Variants in ONECUT1 observed in about 807,000 individuals in gnomAD.
ONECUT1 encodes hepatocyte nuclear factor 6.
Under a neutral mutation model 25.6 loss-of-function variants are expected in ONECUT1, and 12 were observed. The observed-to-expected ratio is 0.47, with a 90% confidence interval of 0.30 to 0.76. The LOEUF (loss-of-function observed/expected upper bound fraction) is 0.76, where lower values mean the gene tolerates loss of function less well. ONECUT1 is among the 30% of genes least tolerant of loss of function. The pLI is 0.07. For missense variants in ONECUT1, 620 were observed against 651.2 expected (o/e 0.95, Z 0.52); for synonymous variants, 285 against 270.2 (o/e 1.05, Z -0.54).
At chr15:52,785,794 G>C (rs1007454579) in intron 1 of ONECUT1, 10 of 152,232 alleles carry the variant, frequency 6.6e-5, no homozygotes, top group Non-Finnish European at 1.5e-4. Flanking sequence ...TTTTTAAAAG[G>C]TAGTTAATTT....
chr15:52,763,359 C>G (rs890456012), intron 1 of ONECUT1, among the ~76,000 whole-genome samples: 2 of 151,674 alleles, frequency 1.3e-5, no homozygotes, highest in Admixed American at 1.3e-4. Context: ...ACTTTGTGTG[C>G]CACGGGAATA....
chr15:52,785,168 C>T (rs1439517773), intron 1 of ONECUT1, among the ~76,000 whole-genome samples: 1 of 152,240 alleles, frequency 6.6e-6, no homozygotes. Flanking sequence ...TGCCTGACTC[C>T]CATGGCCCAG....
Position 52,755,635 on chromosome 15 carries a change from A to G in ONECUT1, c.*1920T>C, listed in dbSNP as rs1415955455. On this transcript the variant is annotated 3_prime_UTR_variant, in exon 2 of 2. Coordinates refer to ENST00000305901, the MANE Select transcript of ONECUT1 (RefSeq NM_004498.4). ...TGCTGAGATTTGATGCTAAGGAGTT[A>G]TGTTTTGTGTCAAGATGGTTCAGTT... Among the ~76,000 whole-genome samples, 4 of 152,288 alleles carry G rather than the reference A, an allele frequency of 2.6e-5. No homozygotes were observed. The South Asian group carries it at 6.2e-4, about 24-fold the overall frequency.
Position 52,789,391 on chromosome 15 carries a change from T to C in ONECUT1, c.494A>G (p.Tyr165Cys), listed in dbSNP as rs1046029183. ...GGCCACGTCCTTGTGGTAGGGGGTATAGAGGTTATTCATGGAGGCCAGCCC... is the reference window on the plus strand; with the variant it reads ...GGCCACGTCCTTGTGGTAGGGGGTACAGAGGTTATTCATGGAGGCCAGCCC... ...ERGLASMNNL[Y>C]TPYHKDVAGM... Residue 165 changes from tyrosine to cysteine, a missense_variant, in exon 1 of 2, where the codon TAT becomes TGT. This residue lies in a region of ONECUT1 where 440 missense variants were observed against 404.9 expected (regional missense o/e 1.09). Coordinates refer to ENST00000305901, the MANE Select transcript of ONECUT1 (RefSeq NM_004498.4). The surrounding 1 kb of genome is among the most constrained non-coding windows in gnomAD (Gnocchi z 4.1). The C allele has an allele frequency of 1.2e-6, 2 of 1,613,146 alleles. No homozygotes were observed. Among genetic ancestry groups the C allele is most frequent in the African/African-American group, 2.7e-5 (2 of 74,832 alleles).
chr15:52,768,874 C>G (rs2083749925), intron 1 of ONECUT1, among the ~76,000 whole-genome samples: 2 of 152,160 alleles, frequency 1.3e-5, no homozygotes, highest in African/African-American at 4.8e-5. Context: ...CTCCCAAAAG[C>G]CCAAGATGAA....
In ONECUT1 at chr15:52,784,074, C is replaced by T. The variant is rs949537672; in HGVS notation, c.1105+4706G>A. On this transcript the variant is annotated intron_variant, in intron 1 of 1. Transcript: ENST00000305901. The surrounding 1 kb of genome is among the most constrained non-coding windows in gnomAD (Gnocchi z 5.0). ...CCACGGACGCTCGCGGGTCGCCCAG[C>T]CCCGACGGCCCGCAGGGGGCGCGCG... 6.6e-6 allele frequency among the ~76,000 whole-genome samples: 1 copy of T among 152,234 alleles called. No homozygotes were observed. The highest frequency in any genetic ancestry group is 1.5e-5 in the Non-Finnish European group (1 of 68,034).
At chr15:52,762,424 A>G (rs2083711297) in intron 1 of ONECUT1, among the ~76,000 whole-genome samples, 4 of 152,246 alleles carry the variant, frequency 2.6e-5, no homozygotes, top group Admixed American at 6.5e-5. Flanking sequence ...GTTTGACCCC[A>G]GAACCCTTTT....
intron 1 of ONECUT1, chr15:52,780,952 A>C (rs1364651039): frequency 8.6e-7 from 1 of 1,157,354 alleles, no homozygotes; most frequent in Non-Finnish European, 1.1e-6. Context: ...GTTTGACAGA[A>C]ATTGCAAGAT....
chr15:52,767,950 T>C (rs2083744441), intron 1 of ONECUT1, among the ~76,000 whole-genome samples: 1 of 152,098 alleles, frequency 6.6e-6, no homozygotes, highest in Non-Finnish European at 1.5e-5. Context: ...GAAAGGTAAA[T>C]ATTGCATGTT....
intron 1 of ONECUT1, among the ~76,000 whole-genome samples, chr15:52,773,328 C>G (rs993863413): frequency 2.6e-5 from 4 of 151,764 alleles, no homozygotes; most frequent in South Asian, 2.1e-4. Context: ...TGGGGGAAGG[C>G]AGGGAAAAAT....
At chr15:52,777,744 A>AAAAAAAAAAC (rs753677708) in intron 1 of ONECUT1, among the ~76,000 whole-genome samples, 8 of 146,856 alleles carry the variant, frequency 5.4e-5, no homozygotes, top group Non-Finnish European at 7.6e-5. Flanking sequence ...ACACAAAAAA[A>AAAAAAAAAAC]CATGTAAAGT....
At chr15:52,781,961 G>T (rs1157823921) in intron 1 of ONECUT1, among the ~76,000 whole-genome samples, 1 of 152,138 alleles carries the variant, frequency 6.6e-6, no homozygotes, top group African/African-American at 2.4e-5. Flanking sequence ...AAATGAGATT[G>T]GTTGTACTTT....
chr15:52,757,500 A>C lies in ONECUT1; in HGVS notation c.*55T>G. ...CTATCTTGAGGTCCTGGTCTTTTAA[A>C]AATTTTTTTTAATTTAAAGCTTTTC... On this transcript the variant is annotated 3_prime_UTR_variant, in exon 2 of 2. Coordinates refer to ENST00000305901, the MANE Select transcript of ONECUT1 (RefSeq NM_004498.4). 6.5e-7 allele frequency: 1 copy of C among 1,541,694 alleles called. No homozygotes were observed. The highest frequency in any genetic ancestry group is 8.7e-7 in the Non-Finnish European group (1 of 1,148,272).
At chr15:52,786,127 G>A (rs1164242353) in intron 1 of ONECUT1, among the ~76,000 whole-genome samples, 2 of 152,250 alleles carry the variant, frequency 1.3e-5, no homozygotes, top group Non-Finnish European at 2.9e-5. Flanking sequence ...TGTCCCGTAG[G>A]AACGGCCAAG....
At chr15:52,776,850 C>A (rs1193522708) in intron 1 of ONECUT1, among the ~76,000 whole-genome samples, 1 of 152,178 alleles carries the variant, frequency 6.6e-6, no homozygotes, top group East Asian at 1.9e-4. Flanking sequence ...GGAAAACAGA[C>A]CTTTTGAGTG....
rs781573383 is a variant in ONECUT1, at chr15:52,789,911, CACA to C, written c.-30_-28del. 2 of 1,506,192 alleles carry C rather than the reference CACA, an allele frequency of 1.3e-6. No individual in the cohort carries two copies. The highest frequency in any genetic ancestry group is 1.3e-5 in the South Asian group (1 of 78,102). 93.3% of individuals were successfully genotyped at this position (1,506,192 alleles called of 1,614,324 possible). A position where few individuals can be genotyped will look rare whatever the true frequency, so the allele number is the denominator to read the frequency against. ...GTGATCCGGGCGAGCAGGCGGCGGA[CACA>C]ACATCGATGTGGCCAGGCAGAGGCG... is the stretch of plus-strand genomic sequence containing the variant. On this transcript the variant is annotated 5_prime_UTR_variant, in exon 1 of 2. Transcript: ENST00000305901. This position sits in a 1 kb window ranked among gnomAD's most constrained non-coding sequence, Gnocchi z 4.1.
intron 1 of ONECUT1, among the ~76,000 whole-genome samples, chr15:52,773,899 C>T (rs76536349): frequency 0.014 from 2,150 of 152,236 alleles, 80 homozygotes; most frequent in East Asian, 0.12. Flanking sequence ...AAGGCTCTTG[C>T]AAATATCCTC....
intron 1 of ONECUT1, among the ~76,000 whole-genome samples, chr15:52,772,392 TAAA>T (rs67977580): frequency 8.7e-6 from 1 of 114,746 alleles, no homozygotes; most frequent in Non-Finnish European, 1.8e-5. Context: ...AGACTCCATC[TAAA>T]AAAAAAAAAA....
At chr15:52,779,881 G>A (rs2083829234) in intron 1 of ONECUT1, among the ~76,000 whole-genome samples, 1 of 152,212 alleles carries the variant, frequency 6.6e-6, no homozygotes, top group Non-Finnish European at 1.5e-5. Flanking sequence ...ATAACCGAGT[G>A]TGGTATATAA....
Sources: gnomAD v4.1 joint callset for allele counts (sites outside exome capture counted in the v4.1 genomes callset) on GRCh38, gnomAD v4.1.1 for gene constraint, gnomAD v4.1.1 regional missense constraint, Gnocchi (gnomAD v3.1) non-coding constraint, MANE v1.5 for transcripts, NCBI Gene and HGNC (gene_info 2026-07-23, HGNC 2026-07-21) for gene names.